The following METTL8 variants were observed in gnomAD, a reference collection of about 807,000 sequenced individuals.
The protein encoded by METTL8 is methyltransferase 8, tRNA N3-cytidine, also known as tRNA N(3)-cytidine methyltransferase METTL8, mitochondrial.
METTL8 carries 32 observed loss-of-function variants against 48.7 expected under a neutral mutation model. The observed-to-expected ratio is 0.66, with a 90% CI of 0.50 to 0.88. The LOEUF is 0.88. Ranked by LOEUF, METTL8 falls within the 40% of genes least tolerant of loss-of-function variation. The pLI is 0.00. For missense variants in METTL8, 464 were observed against 474.4 expected (o/e 0.98, Z 0.20); for synonymous variants, 136 against 157.1 (o/e 0.87, Z 1.01).
At chr2:171,397,811 T>C (rs1448649860) in intron 1 of METTL8, among the ~76,000 whole-genome samples, 2 of 152,236 alleles carry the variant, frequency 1.3e-5, no homozygotes, top group African/African-American at 2.4e-5. Context: ...ATTGCATTCA[T>C]TAGATGGGAC....
At chr2:171,421,702 T>C (rs867148404) in intron 1 of METTL8, among the ~76,000 whole-genome samples, 2 of 152,132 alleles carry the variant, frequency 1.3e-5, no homozygotes, top group African/African-American at 4.8e-5. Context: ...CAAACTCAGA[T>C]TGAAAATACA....
At position 171,322,048 on chromosome 2, in the gene METTL8, T is replaced by C. The variant is rs1192936334; in HGVS notation, c.*2124A>G. 1 of 151,520 alleles carries C rather than the reference T, an allele frequency of 6.6e-6. No individual in the cohort carries two copies. The highest frequency in any genetic ancestry group is 1.5e-5 in the Non-Finnish European group (1 of 67,884). 9.4% of individuals were successfully genotyped at this position (151,520 alleles called of 1,614,324 possible). ...TGTCATCTCGGCTCACTGCAACCTCTGCCTCCCGGGTTCAAGTGATTCTCC... is the reference window on the plus strand; with the variant it reads ...TGTCATCTCGGCTCACTGCAACCTCCGCCTCCCGGGTTCAAGTGATTCTCC... On this transcript the variant is annotated 3_prime_UTR_variant, in exon 10 of 10. Transcript: ENST00000375258.
Position 171,383,007 on chromosome 2 carries a change from G to C in METTL8, c.143+9036C>G, listed in dbSNP as rs1687718689. Among the ~76,000 whole-genome samples the C allele has an allele frequency of 3.3e-5, 5 of 152,248 alleles. No individual in the cohort carries two copies. In the South Asian group the frequency reaches 1.0e-3, roughly 32 times the overall value. On this transcript the variant is annotated intron_variant, in intron 2 of 9. Transcript: ENST00000375258. ...GAGAATCACTTGAACCTGAGAGGCG[G>C]AGTTTGCAGTGAGCTGAGATCGAGC...
chr2:171,369,060 C>G (rs1253474241), intron 2 of METTL8, among the ~76,000 whole-genome samples: 1 of 141,190 alleles, frequency 7.1e-6, no homozygotes, highest in Non-Finnish European at 1.6e-5. Context: ...GATCCCAGCA[C>G]TTTGGGAGGC....
chr2:171,328,191 T>C (rs1030237844), intron 7 of METTL8, among the ~76,000 whole-genome samples: 24 of 152,204 alleles, frequency 1.6e-4, no homozygotes, highest in Non-Finnish European at 3.4e-4. Context: ...CCAACTCTGC[T>C]GTCTTCACTT....
intron 2 of METTL8, among the ~76,000 whole-genome samples, chr2:171,372,027 A>G (rs1686414006): frequency 6.6e-6 from 1 of 152,040 alleles, no homozygotes; most frequent in Non-Finnish European, 1.5e-5. Context: ...AAAAAACACA[A>G]ACATAGAGCC....
rs1684282498 is a variant in METTL8 at position 171,316,757 on chromosome 2, A to G, written c.*7415T>C. Among the ~76,000 whole-genome samples, 1 of 152,246 alleles carries G rather than the reference A, an allele frequency of 6.6e-6. No homozygotes were observed. The highest frequency in any genetic ancestry group is 2.4e-5 in the African/African-American group (1 of 41,468). ...GGCTGCGAAAGAAAAAGTATGAGCA[A>G]TGAGAAAAGCAATTATCCTTGGAGG... On this transcript the variant is annotated 3_prime_UTR_variant, in exon 10 of 10. Coordinates refer to ENST00000375258, the MANE Select transcript of METTL8 (RefSeq NM_001321154.2).
At chr2:171,424,229 A>G (rs1692168971) in intron 1 of METTL8, among the ~76,000 whole-genome samples, 1 of 152,214 alleles carries the variant, frequency 6.6e-6, no homozygotes, top group Admixed American at 6.5e-5. Context: ...GCATGGGTGG[A>G]GCCCTCATGG....
At chr2:171,350,137 A>C (rs1038083423) in intron 3 of METTL8, among the ~76,000 whole-genome samples, 1 of 152,064 alleles carries the variant, frequency 6.6e-6, no homozygotes, top group Admixed American at 6.6e-5. Flanking sequence ...AATAGGCCCC[A>C]GTGTGTGATG....
intron 2 of METTL8, among the ~76,000 whole-genome samples, chr2:171,362,556 T>TAA: frequency 7.9e-6 from 1 of 125,858 alleles, no homozygotes; most frequent in East Asian, 2.4e-4. Flanking sequence ...CTGTTTTCCT[T>TAA]AAAAAAATAA....
Position 171,352,884 on chromosome 2 carries a change from G to T in METTL8, c.235+7538C>A, listed in dbSNP as rs201767772. Among the ~76,000 whole-genome samples, 614 of 151,938 alleles carry T rather than the reference G, an allele frequency of 4.0e-3. 4 individuals are homozygous for T. Among genetic ancestry groups the T allele is most frequent in the East Asian group, 0.04 (207 of 5,176 alleles). The stretch of plus-strand genomic sequence containing the variant: ...TTTCTTCTTTATTAGTCTTGCTAGC[G>T]GTCTATCAATTTTGTTGATCTTTTC... On this transcript the variant is annotated intron_variant, in intron 3 of 9. Transcript: ENST00000375258.
intron 2 of METTL8, among the ~76,000 whole-genome samples, chr2:171,368,794 C>A (rs913902936): frequency 6.6e-6 from 1 of 151,868 alleles, no homozygotes; most frequent in African/African-American, 2.4e-5. Flanking sequence ...CCCAGCTACT[C>A]GGGAGGCTGA....
intron 1 of METTL8, among the ~76,000 whole-genome samples, chr2:171,392,942 C>CAAA (rs34723018): frequency 3.0e-5 from 4 of 133,174 alleles, no homozygotes; most frequent in African/African-American, 1.1e-4. Flanking sequence ...ACTAAAAATA[C>CAAA]AAAAAAAAAA....
At position 171,394,267 on chromosome 2, in the gene METTL8, C is replaced by G. The variant is rs534803318; in HGVS notation, c.-12-2070G>C. 3.7e-4 allele frequency among the ~76,000 whole-genome samples: 57 copies of G among 152,072 alleles called. 2 individuals carry two copies. Among genetic ancestry groups the G allele is most frequent in the African/African-American group, 1.3e-3 (53 of 41,462 alleles). On this transcript the variant is annotated intron_variant, in intron 1 of 9. Transcript: ENST00000375258. ...AATTGATTACACCTAGAAAGAGAGG[C>G]AATTCATGCTCAAAAGTATAAAATG...
At chr2:171,373,593 C>G (rs1686612369) in intron 2 of METTL8, among the ~76,000 whole-genome samples, 1 of 152,138 alleles carries the variant, frequency 6.6e-6, no homozygotes, top group Admixed American at 6.6e-5. Context: ...AGGTATTCTT[C>G]TAGAGTTTTT....
chr2:171,381,800 T>G (rs1461240082), intron 2 of METTL8, among the ~76,000 whole-genome samples: 1 of 137,284 alleles, frequency 7.3e-6, no homozygotes, highest in Non-Finnish European at 1.6e-5. Flanking sequence ...TTTTTTTTTT[T>G]GACATGGAGT....
Position 171,389,548 on chromosome 2 carries a change from G to A in METTL8, c.143+2495C>T, listed in dbSNP as rs541487415. 7.1e-5 allele frequency among the ~76,000 whole-genome samples: 10 copies of A among 140,780 alleles called. No individual in the cohort carries two copies. In the South Asian group the frequency reaches 2.0e-3, roughly 28 times the overall value. The allele number at this position is 140,780 out of a possible 152,430, so 92.4% of individuals were successfully genotyped here. A position where few individuals can be genotyped will look rare whatever the true frequency, so the allele number is the denominator to read the frequency against. ...AAAAAAAAAAAAAAAAAAAAATGCT[G>A]CTCCAGTGAATACATGAATGAAAAG... On this transcript the variant is annotated intron_variant, in intron 2 of 9. Coordinates refer to ENST00000375258, the MANE Select transcript of METTL8 (RefSeq NM_001321154.2).
In METTL8 at chr2:171,316,847, G is replaced by C. The variant is rs956756317; in HGVS notation, c.*7325C>G. 1.3e-5 allele frequency among the ~76,000 whole-genome samples: 2 copies of C among 152,250 alleles called. No homozygotes were observed. The highest frequency in any genetic ancestry group is 4.8e-5 in the African/African-American group (2 of 41,552). The stretch of plus-strand genomic sequence containing the variant: ...GGCAATTTCAGCCATTCTCTTTCAG[G>C]CAATTTTCAGTGCGAGTGCCAAATG... On this transcript the variant is annotated 3_prime_UTR_variant, in exon 10 of 10. Coordinates refer to ENST00000375258, the MANE Select transcript of METTL8 (RefSeq NM_001321154.2).
At chr2:171,350,365 A>G (rs569944467) in intron 3 of METTL8, among the ~76,000 whole-genome samples, 1 of 152,128 alleles carries the variant, frequency 6.6e-6, no homozygotes, top group African/African-American at 2.4e-5. Flanking sequence ...TCTATCACTG[A>G]TGGACATTTG....
Sources: gnomAD v4.1 joint callset for allele counts (sites outside exome capture counted in the v4.1 genomes callset) on GRCh38, gnomAD v4.1.1 for gene constraint, MANE v1.5 for transcripts, NCBI Gene and HGNC (gene_info 2026-07-23, HGNC 2026-07-21) for gene names.